Variants in UHRF2 observed in about 807,000 individuals in gnomAD.
UHRF2 encodes E3 ubiquitin-protein ligase UHRF2.
Under a neutral mutation model 96.8 loss-of-function variants are expected in UHRF2, and 23 were observed. The observed-to-expected ratio is 0.24, with a 90% confidence interval of 0.17 to 0.34. The LOEUF is 0.34. Ranked by LOEUF, UHRF2 falls within the 10% of genes least tolerant of loss-of-function variation. The pLI is 1.00. For missense variants in UHRF2, 685 were observed against 981.5 expected, an observed-to-expected ratio of 0.70 and a Z score of 4.04; for synonymous variants, 385 against 332.6, an observed-to-expected ratio of 1.16 and a Z score of -1.72.
chr9:6,413,420 G>C lies in UHRF2; in HGVS notation c.-71G>C. 7.7e-7 allele frequency: 1 copy of C among 1,297,572 alleles called. No homozygotes were observed. Among genetic ancestry groups the C allele is most frequent in the Non-Finnish European group, 9.9e-7 (1 of 1,010,968 alleles). The allele number at this position is 1,297,572 out of a possible 1,614,324, so 80.4% of individuals were successfully genotyped here. On this transcript the variant is annotated 5_prime_UTR_variant, in exon 1 of 16. Coordinates refer to ENST00000276893, the MANE Select transcript of UHRF2 (RefSeq NM_152896.3). ...GCCCGAGCCGCAGGGAAAGCGGCGC[G>C]GGCCGGGCGGGGCGCGGCGCCCAGA...
chr9:6,499,911 C>T lies in UHRF2; in HGVS notation c.1985C>T (p.Thr662Ile), dbSNP rs1232358768. ...GQSKKQPSGTTKRPISDDDCP... is the reference protein window; with the variant it reads ...GQSKKQPSGTIKRPISDDDCP... ...TCAAAGAAGCAGCCCAGTGGAACCA[C>T]AAAAAGGCCAATTTCAGATGGTAGG... The change falls in exon 13 of 16, where the codon ACA becomes ATA. Residue 662 changes from threonine to isoleucine, a missense_variant. By Grantham distance (89) the Thr-to-Ile change is moderately conservative (BLOSUM62 -1). This residue lies in a region of UHRF2 where 99 missense variants were observed against 73.5 expected (regional missense o/e 1.35). Coordinates refer to ENST00000276893, the MANE Select transcript of UHRF2 (RefSeq NM_152896.3). The T allele has an allele frequency of 1.2e-6, 2 of 1,611,498 alleles. No homozygotes were observed. Among genetic ancestry groups the T allele is most frequent in the Admixed American group, 3.3e-5 (2 of 59,840 alleles).
intron 4 of UHRF2, among the ~76,000 whole-genome samples, chr9:6,471,967 C>A (rs919200248): frequency 6.6e-6 from 1 of 152,160 alleles, no homozygotes; most frequent in Non-Finnish European, 1.5e-5. Flanking sequence ...TCCATGCTGT[C>A]TTTTTAAAAT....
chr9:6,505,255 T>A (rs992547056), intron 15 of UHRF2, among the ~76,000 whole-genome samples: 1 of 152,136 alleles, frequency 6.6e-6, no homozygotes, highest in Non-Finnish European at 1.5e-5. Flanking sequence ...GTTTAATGTA[T>A]TTAGTGCTGC....
chr9:6,456,960 CT>C (rs1361733976), intron 3 of UHRF2, among the ~76,000 whole-genome samples: 1 of 152,116 alleles, frequency 6.6e-6, no homozygotes, highest in East Asian at 1.9e-4. Context: ...CAGCTTTGTT[CT>C]TTTTGCTTAG....
intron 2 of UHRF2, among the ~76,000 whole-genome samples, chr9:6,423,451 C>G (rs1388810566): frequency 6.6e-6 from 1 of 152,040 alleles, no homozygotes; most frequent in East Asian, 1.9e-4. Context: ...ATTTAACTTG[C>G]TTTTAAAAAA....
At chr9:6,433,715 A>C (rs1783933200) in intron 2 of UHRF2, among the ~76,000 whole-genome samples, 199 bp from the exon 3 acceptor site, 1 of 152,234 alleles carries the variant, frequency 6.6e-6, no homozygotes, top group Non-Finnish European at 1.5e-5. Flanking sequence ...GAAGAAAGTT[A>C]GTTTTCATCT....
At chr9:6,430,725 A>G (rs141492382) in intron 2 of UHRF2, among the ~76,000 whole-genome samples, 308 of 152,260 alleles carry the variant, frequency 2.0e-3, no homozygotes, top group African/African-American at 6.7e-3. Flanking sequence ...CAAACTAGCC[A>G]TCTTGTTTCC....
chr9:6,426,919 T>G (rs1282479215), intron 2 of UHRF2, among the ~76,000 whole-genome samples: 2 of 152,056 alleles, frequency 1.3e-5, no homozygotes, highest in Non-Finnish European at 2.9e-5. Context: ...CAGCTAATTT[T>G]TGTACTTTCA....
At chr9:6,440,863 A>C (rs1821120617) in intron 3 of UHRF2, among the ~76,000 whole-genome samples, 1 of 152,178 alleles carries the variant, frequency 6.6e-6, no homozygotes, top group South Asian at 2.1e-4. Context: ...TTTCTAGTAT[A>C]ATCCTTCTGA....
chr9:6,473,863 G>A (rs1461044269), intron 4 of UHRF2, among the ~76,000 whole-genome samples: 2 of 152,116 alleles, frequency 1.3e-5, no homozygotes, highest in African/African-American at 4.8e-5. Context: ...TACAAGAAAT[G>A]CGAATGACAG....
chr9:6,436,912 A>T (rs1207558441), intron 3 of UHRF2, among the ~76,000 whole-genome samples: 1 of 152,236 alleles, frequency 6.6e-6, no homozygotes, highest in Non-Finnish European at 1.5e-5. Flanking sequence ...ACGATAGCTG[A>T]ACTTTCTTTG....
rs773435699 is a variant in UHRF2, at chr9:6,504,618, C to G, written c.2189C>G (p.Ser730Cys). The change falls in exon 15 of 16, where the codon TCT (serine) becomes TGT (cysteine). Residue 730 changes from serine to cysteine, a missense_variant. This residue lies in a region of UHRF2 where 71 missense variants were observed against 114.1 expected (regional missense o/e 0.62). Transcript: ENST00000276893. ...AATTTTCTGAAAAAATTGGAACAAT[C>G]TTTTATGTGCGTTTGCTGTCAGGAG... ...GPNFLKKLEQ[S>C]FMCVCCQELV... 6.2e-7 allele frequency: 1 copy of G among 1,613,644 alleles called. No individual in the cohort carries two copies. The highest frequency in any genetic ancestry group is 1.1e-5 in the South Asian group (1 of 90,982).
intron 10 of UHRF2, chr9:6,495,174 C>G (rs1824890870): frequency 6.6e-6 from 1 of 152,116 alleles, no homozygotes; most frequent in African/African-American, 2.4e-5. Context: ...TCATAACTAC[C>G]CACCATTGTA....
chr9:6,413,797 G>T, intron 1 of UHRF2, 154 bp downstream of exon 1: 1 of 959,334 alleles, frequency 1.0e-6, no homozygotes, highest in East Asian at 3.4e-5. Flanking sequence ...GGGGTGCGGG[G>T]CCCAGTCCCG....
At chr9:6,423,906 C>G (rs1299706018) in intron 2 of UHRF2, among the ~76,000 whole-genome samples, 5 of 151,854 alleles carry the variant, frequency 3.3e-5, no homozygotes, top group Non-Finnish European at 7.4e-5. Flanking sequence ...GATTGCGCCA[C>G]TGCACTCCAG....
chr9:6,447,960 A>G (rs1339369308), intron 3 of UHRF2, among the ~76,000 whole-genome samples: 3 of 152,222 alleles, frequency 2.0e-5, no homozygotes, highest in Non-Finnish European at 4.4e-5. Context: ...TTGTATTAAC[A>G]TTTTAACCAC....
intron 2 of UHRF2, among the ~76,000 whole-genome samples, chr9:6,424,553 A>G (rs1009359695): frequency 6.6e-6 from 1 of 152,156 alleles, no homozygotes; most frequent in Non-Finnish European, 1.5e-5. Flanking sequence ...ACAGTTTTAG[A>G]TTTGTAGCAA....
rs1816476084 is a variant in UHRF2 at position 6,504,425 on chromosome 9, C to T, written c.2164-168C>T. 6 of 512,698 alleles carry T rather than the reference C, an allele frequency of 1.2e-5. No homozygotes were observed. In the East Asian group the frequency reaches 1.3e-4, roughly 11 times the overall value. The allele number at this position is 512,698 out of a possible 1,614,324, so 31.8% of individuals were successfully genotyped here. ...GTGAAATTTTGATATGTTCATATAA[C>T]ATATAATAAATCAGGGTAATTGGAA... On this transcript the variant is annotated intron_variant, in intron 14 of 15. Transcript: ENST00000276893.
chr9:6,467,904 G>A (rs1379626194), intron 4 of UHRF2, among the ~76,000 whole-genome samples: 2 of 152,004 alleles, frequency 1.3e-5, no homozygotes, highest in Non-Finnish European at 2.9e-5. Context: ...TATCTGCAAG[G>A]TGTGGTTTAT....
Sources: allele counts gnomAD v4.1 joint callset (sites outside exome capture counted in the v4.1 genomes callset), GRCh38; gene constraint gnomAD v4.1.1; regional missense constraint gnomAD v4.1.1; transcripts MANE v1.5; gene names NCBI Gene and HGNC (gene_info 2026-07-23, HGNC 2026-07-21).